PTPN5: variants seen among roughly 807,000 people sequenced by gnomAD.
PTPN5 encodes the protein tyrosine-protein phosphatase non-receptor type 5.
Under a neutral mutation model 73.9 loss-of-function variants are expected in PTPN5, and 29 were observed. The ratio of observed to expected loss-of-function variants is 0.39; its 90% CI spans 0.29 to 0.54. The LOEUF (loss-of-function observed/expected upper bound fraction) is 0.54. Ranked by LOEUF, PTPN5 falls within the 20% of genes least tolerant of loss-of-function variation. PTPN5 has a pLI of 0.65. For missense variants in PTPN5, 652 were observed against 751.4 expected, an observed-to-expected ratio of 0.87 and a Z score of 1.55; for synonymous variants, 267 against 304.7, an observed-to-expected ratio of 0.88 and a Z score of 1.29.
At chr11:18,744,552 GA>G (rs35776405) in intron 3 of PTPN5, among the ~76,000 whole-genome samples, 29 of 147,094 alleles carry the variant, frequency 2.0e-4, no homozygotes, top group East Asian at 2.0e-4. Flanking sequence ...GCAGCAGCAG[GA>G]AAAAAAAAAA....
intron 3 of PTPN5, among the ~76,000 whole-genome samples, chr11:18,762,637 GACTT>G (rs1850450595): frequency 1.3e-5 from 2 of 152,164 alleles, no homozygotes; most frequent in African/African-American, 4.8e-5. Context: ...TATGTGGCAT[GACTT>G]ACTTATTTTA....
chr11:18,765,504 T>A (rs1298466505), intron 3 of PTPN5, among the ~76,000 whole-genome samples: 65 of 152,162 alleles, frequency 4.3e-4, no homozygotes, highest in Non-Finnish European at 2.4e-4. Context: ...GAATGGTCAG[T>A]GGTCATTCCC....
At chr11:18,770,967 C>CA (rs1300714947) in intron 2 of PTPN5, among the ~76,000 whole-genome samples, 1 of 152,276 alleles carries the variant, frequency 6.6e-6, no homozygotes, top group East Asian at 1.9e-4. Flanking sequence ...TATTAGGAGA[C>CA]ATCCTGGAGT....
intron 3 of PTPN5, among the ~76,000 whole-genome samples, chr11:18,750,860 AC>A (rs970496048): frequency 1.3e-5 from 2 of 152,100 alleles, no homozygotes; most frequent in Admixed American, 1.3e-4. Context: ...ACAAAACTGG[AC>A]TTGAACCCAG....
chr11:18,769,109 G>A (rs1450118183), intron 2 of PTPN5, among the ~76,000 whole-genome samples: 1 of 152,214 alleles, frequency 6.6e-6, no homozygotes, highest in African/African-American at 2.4e-5. Flanking sequence ...GTCCCGGAGT[G>A]AAAGTAGCTT....
At chr11:18,767,421 A>G (rs1850690456) in intron 2 of PTPN5, among the ~76,000 whole-genome samples, 1 of 152,190 alleles carries the variant, frequency 6.6e-6, no homozygotes, top group Non-Finnish European at 1.5e-5. Flanking sequence ...AGGTAACTTT[A>G]AGTGCATTCT....
At position 18,735,904 on chromosome 11, in the gene PTPN5, G is replaced by A. The variant is rs375967056; in HGVS notation, c.1000+1976C>T. ...ACAATGGTAGAAGATGGAGAGGAGA[G>A]TGTGGAAGCCAGAAGACCAGTTAGA... On this transcript the variant is annotated intron_variant, in intron 9 of 14. Transcript: ENST00000358540. 1.9e-4 allele frequency among the ~76,000 whole-genome samples: 29 copies of A among 152,268 alleles called. No homozygotes were observed. In the East Asian group the frequency reaches 5.6e-3, roughly 29 times the overall value.
At chr11:18,777,092 C>T (rs539344771) in intron 1 of PTPN5, among the ~76,000 whole-genome samples, 152 of 152,262 alleles carry the variant, frequency 1.0e-3, no homozygotes, top group African/African-American at 1.8e-3. Flanking sequence ...ACCAGAGAGG[C>T]GGAAGTTGCA....
At chr11:18,759,192 C>G (rs890141378) in intron 3 of PTPN5, among the ~76,000 whole-genome samples, 1 of 152,126 alleles carries the variant, frequency 6.6e-6, no homozygotes, top group African/African-American at 2.4e-5. Context: ...GGTTTTTTTT[C>G]TGTTCACATT....
chr11:18,740,955 G>A (rs1050866156), intron 7 of PTPN5, among the ~76,000 whole-genome samples, 163 bp from the exon 8 acceptor site: 2 of 151,990 alleles, frequency 1.3e-5, no homozygotes, highest in Non-Finnish European at 2.9e-5. Context: ...ACAAAGAAGC[G>A]TGAATCTCAG....
intron 3 of PTPN5, among the ~76,000 whole-genome samples, chr11:18,754,593 G>A (rs1363363185): frequency 6.6e-6 from 1 of 152,154 alleles, no homozygotes; most frequent in African/African-American, 2.4e-5. Flanking sequence ...TCAACTCAGA[G>A]GGCCCACTCT....
intron 8 of PTPN5, among the ~76,000 whole-genome samples, chr11:18,739,678 C>T (rs1415999285): frequency 6.6e-6 from 1 of 152,200 alleles, no homozygotes; most frequent in South Asian, 2.1e-4. Flanking sequence ...GGAGGAGGCA[C>T]CTGCTTCTGT....
In PTPN5 at chr11:18,727,931, G is replaced by A. The variant is rs993584968; in HGVS notation, c.*1003C>T. 11 of 152,612 alleles carry A rather than the reference G, an allele frequency of 7.2e-5. No homozygotes were observed. Among genetic ancestry groups the A allele is most frequent in the African/African-American group, 2.4e-4 (10 of 41,424 alleles). The allele number at this position is 152,612 out of a possible 1,614,324, so 9.5% of individuals were successfully genotyped here. A position where few individuals can be genotyped will look rare whatever the true frequency, so the allele number is the denominator to read the frequency against. ...CAAATCACACAGACCCAGGAGGTTA[G>A]TTTTGCTCAAAATGCTCCGTTTATT... On this transcript the variant is annotated 3_prime_UTR_variant, in exon 15 of 15. Coordinates refer to ENST00000358540, the MANE Select transcript of PTPN5 (RefSeq NM_006906.2).
intron 2 of PTPN5, among the ~76,000 whole-genome samples, chr11:18,768,205 T>C (rs886071873): frequency 1.3e-5 from 2 of 152,252 alleles, no homozygotes; most frequent in Admixed American, 1.3e-4. Context: ...CTGAGCTGCT[T>C]TGTGGACGGG....
chr11:18,742,240 A>G lies in PTPN5; in HGVS notation c.725+22T>C. 18 of 1,612,876 alleles carry G rather than the reference A, an allele frequency of 1.1e-5. No individual in the cohort carries two copies. The highest frequency in any genetic ancestry group is 1.5e-5 in the Non-Finnish European group (18 of 1,179,172). On this transcript the variant is annotated intron_variant, in intron 7 of 14. Coordinates refer to ENST00000358540, the MANE Select transcript of PTPN5 (RefSeq NM_006906.2). This position sits in a 1 kb window ranked among gnomAD's most constrained non-coding sequence, Gnocchi z 4.1. The stretch of plus-strand genomic sequence containing the variant: ...AAGAGCTCAAGGGCCCGTGGAGCCC[A>G]CCCCTCCTCCACCCCTCCCACCTCT...
intron 1 of PTPN5, among the ~76,000 whole-genome samples, chr11:18,772,487 T>C (rs914206896): frequency 1.3e-5 from 2 of 152,240 alleles, no homozygotes; most frequent in African/African-American, 4.8e-5. Flanking sequence ...CTGAGCAGAC[T>C]GCAAACTTGA....
chr11:18,756,930 A>AAC (rs879463753), intron 3 of PTPN5, among the ~76,000 whole-genome samples: 8,835 of 148,896 alleles, frequency 0.059, 382 homozygotes, highest in East Asian at 0.17. Context: ...TCAAAAAAAA[A>AAC]AAAAAACCAA....
intron 2 of PTPN5, among the ~76,000 whole-genome samples, chr11:18,766,356 G>C (rs117567428): frequency 1.3e-5 from 2 of 152,144 alleles, no homozygotes; most frequent in African/African-American, 2.4e-5. Context: ...GTGCCATTCT[G>C]TCTCCTAGTT....
At chr11:18,784,228 T>G (rs759985835) in intron 1 of PTPN5, among the ~76,000 whole-genome samples, 8 of 152,228 alleles carry the variant, frequency 5.3e-5, no homozygotes, top group Non-Finnish European at 1.2e-4. Flanking sequence ...CCAATGTTCA[T>G]AGCCGTATTA....
Sources: gnomAD v4.1 joint callset for allele counts (sites outside exome capture counted in the v4.1 genomes callset) on GRCh38, gnomAD v4.1.1 for gene constraint, Gnocchi (gnomAD v3.1) non-coding constraint, MANE v1.5 for transcripts, NCBI Gene and HGNC (gene_info 2026-07-23, HGNC 2026-07-21) for gene names.